GRM5: variants seen among roughly 807,000 people sequenced by gnomAD.
GRM5 encodes glutamate metabotropic receptor 5.
A neutral mutation model predicts 83.1 loss-of-function variants in GRM5; 19 were observed. That is an observed-to-expected ratio of 0.23 (90% confidence interval 0.16 to 0.34). The LOEUF (loss-of-function observed/expected upper bound fraction) is 0.34. Among genes scored for constraint, GRM5 ranks in the 10% least tolerant of loss-of-function variants. GRM5 has a pLI of 1.00. For missense variants in GRM5, 1,160 were observed against 1,588.3 expected (o/e 0.73, Z 4.58); for synonymous variants, 675 against 633.6 (o/e 1.07, Z -0.98).
chr11:88,925,932 C>T (rs1329015211), intron 2 of GRM5: 7 of 274,442 alleles, frequency 2.6e-5, no homozygotes, highest in African/African-American at 9.2e-5. Flanking sequence ...AAGTGAGGCA[C>T]ATTTCTTCTT....
chr11:88,594,050 C>T (rs556375088), intron 6 of GRM5, among the ~76,000 whole-genome samples: 1 of 152,066 alleles, frequency 6.6e-6, no homozygotes, highest in Non-Finnish European at 1.5e-5. Flanking sequence ...GCCTAGGCCT[C>T]TCAAAGTGCT....
intron 2 of GRM5, among the ~76,000 whole-genome samples, chr11:88,919,211 A>G (rs1945645337): frequency 1.0e-5 from 1 of 95,418 alleles, no homozygotes; most frequent in African/African-American, 3.1e-5. Context: ...TCCCACACCA[A>G]TGGCATTCGA....
At chr11:88,568,087 GTTTGTTCCCCATCTACC>G in intron 7 of GRM5, 95 bp from the exon 8 acceptor site, 1 of 712,694 alleles carries the variant, frequency 1.4e-6, no homozygotes, top group South Asian at 1.9e-5. Flanking sequence ...GACCATTTCA[GTTTGTTCCCCATCTACC>G]TTTCTAATTT....
chr11:88,888,700 A>G (rs1186314505), intron 2 of GRM5, among the ~76,000 whole-genome samples: 6 of 152,096 alleles, frequency 3.9e-5, no homozygotes, highest in Non-Finnish European at 7.4e-5. Flanking sequence ...AAGGATCACT[A>G]TTTATATTTT....
At chr11:88,802,451 T>C (rs1238003554) in intron 3 of GRM5, among the ~76,000 whole-genome samples, 1 of 150,444 alleles carries the variant, frequency 6.6e-6, no homozygotes, top group Admixed American at 6.6e-5. Flanking sequence ...AGAAAGTCAA[T>C]AGATGCAGAA....
At position 88,585,310 on chromosome 11, in the gene GRM5, C is replaced by T. The variant is rs576356249; in HGVS notation, c.1690+5291G>A. 3.9e-5 allele frequency among the ~76,000 whole-genome samples: 6 copies of T among 152,276 alleles called. No individual in the cohort carries two copies. In the South Asian group the frequency reaches 1.2e-3, roughly 32 times the overall value. ...TCTTTTGTTAATCTATTTTTAGTTACAGGGGCCCCAGCCAATGAACCTAAG... is the reference window on the plus strand; with the variant it reads ...TCTTTTGTTAATCTATTTTTAGTTATAGGGGCCCCAGCCAATGAACCTAAG... On this transcript the variant is annotated intron_variant, in intron 7 of 9. Coordinates refer to ENST00000305447, the MANE Select transcript of GRM5 (RefSeq NM_001143831.3).
chr11:88,762,415 C>T (rs987379300), intron 3 of GRM5, among the ~76,000 whole-genome samples: 2 of 151,886 alleles, frequency 1.3e-5, no homozygotes, highest in Non-Finnish European at 2.9e-5. Flanking sequence ...TTGCAGCCAA[C>T]AAGCATAAGA....
At chr11:88,634,983 C>A (rs1468000286) in intron 4 of GRM5, among the ~76,000 whole-genome samples, 1 of 152,084 alleles carries the variant, frequency 6.6e-6, no homozygotes, top group Non-Finnish European at 1.5e-5. Flanking sequence ...TAGCACATGA[C>A]TCTACGTTGC....
intron 2 of GRM5, among the ~76,000 whole-genome samples, chr11:88,912,351 A>G (rs904450558): frequency 7.9e-5 from 12 of 151,722 alleles, no homozygotes; most frequent in Admixed American, 7.2e-4. Flanking sequence ...TTATTCTCTC[A>G]TATTTCATGG....
chr11:88,756,219 C>G (rs188104592), intron 3 of GRM5, among the ~76,000 whole-genome samples: 2 of 152,208 alleles, frequency 1.3e-5, no homozygotes, highest in Admixed American at 1.3e-4. Context: ...TAAAGAAATA[C>G]TAGTCATGAG....
chr11:89,065,397 CTGTT>C (rs1300030298), intron 1 of GRM5, among the ~76,000 whole-genome samples: 42 of 144,216 alleles, frequency 2.9e-4, no homozygotes, highest in African/African-American at 9.8e-4. Context: ...TTTTCCTCCT[CTGTT>C]TTTTTTTTTT....
At chr11:88,699,002 A>C (rs543812986) in intron 3 of GRM5, among the ~76,000 whole-genome samples, 1 of 152,180 alleles carries the variant, frequency 6.6e-6, no homozygotes, top group Non-Finnish European at 1.5e-5. Flanking sequence ...ACAACCTATG[A>C]GTAAGGACTA....
At chr11:88,954,778 A>G (rs1020917430) in intron 2 of GRM5, among the ~76,000 whole-genome samples, 1 of 152,132 alleles carries the variant, frequency 6.6e-6, no homozygotes, top group African/African-American at 2.4e-5. Context: ...TTTTGTTACC[A>G]TTGTTGGCAT....
intron 2 of GRM5, among the ~76,000 whole-genome samples, chr11:89,000,218 C>G (rs533387262): frequency 7.9e-5 from 12 of 152,130 alleles, no homozygotes; most frequent in Admixed American, 2.0e-4. Flanking sequence ...TGCACACGTA[C>G]CCTAAAACTT....
chr11:88,597,431 A>C (rs1020774777), intron 5 of GRM5, 79 bp from the exon 6 acceptor site: 7 of 731,312 alleles, frequency 9.6e-6, no homozygotes, highest in African/African-American at 7.1e-5. Context: ...TTTTATTCCC[A>C]AAAATGTGTC....
intron 3 of GRM5, among the ~76,000 whole-genome samples, chr11:88,772,291 C>CAA (rs563176214): frequency 1.6e-3 from 244 of 152,210 alleles, no homozygotes; most frequent in Non-Finnish European, 3.0e-3. Context: ...CTCTGACCCT[C>CAA]AAATACACAT....
chr11:88,731,017 TAAAA>T (rs1941796180), intron 3 of GRM5, among the ~76,000 whole-genome samples: 1 of 151,990 alleles, frequency 6.6e-6, no homozygotes, highest in South Asian at 2.1e-4. Context: ...TAAAGTATAA[TAAAA>T]AAACATAAAT....
chr11:88,636,637 A>G (rs536791448), intron 4 of GRM5, among the ~76,000 whole-genome samples: 8 of 152,310 alleles, frequency 5.3e-5, no homozygotes, highest in African/African-American at 1.7e-4. Flanking sequence ...CCATGAATCA[A>G]TTTTTGAATA....
chr11:89,050,188 C>A (rs979932563), intron 1 of GRM5, among the ~76,000 whole-genome samples: 4 of 152,012 alleles, frequency 2.6e-5, no homozygotes, highest in Non-Finnish European at 5.9e-5. Context: ...TGAAGGTATG[C>A]GAAGTTTGTT....
Sources: allele counts gnomAD v4.1 joint callset (sites outside exome capture counted in the v4.1 genomes callset), GRCh38; gene constraint gnomAD v4.1.1; transcripts MANE v1.5; gene names NCBI Gene and HGNC (gene_info 2026-07-23, HGNC 2026-07-21).